The following ZNF566 variants were observed in gnomAD, a reference collection of about 807,000 sequenced individuals.
The protein encoded by ZNF566 is zinc finger protein 566.
Under a neutral mutation model 32.8 loss-of-function variants are expected in ZNF566, and 27 were observed. The ratio of observed to expected loss-of-function variants is 0.82; its 90% CI spans 0.61 to 1.14. The LOEUF is 1.14. Among genes scored for constraint, ZNF566 ranks in the 50% most tolerant of loss-of-function variants. The probability of loss-of-function intolerance (pLI) is 0.00; values close to 1 mark genes in which losing one functional copy is unlikely to be tolerated. For missense variants in ZNF566, 402 were observed against 490.4 expected, an observed-to-expected ratio of 0.82 and a Z score of 1.70; for synonymous variants, 154 against 159.5, an observed-to-expected ratio of 0.97 and a Z score of 0.26.
intron 4 of ZNF566, among the ~76,000 whole-genome samples, chr19:36,464,034 T>C (rs1039292436): frequency 2.0e-5 from 3 of 152,062 alleles, no homozygotes; most frequent in African/African-American, 7.2e-5. Context: ...CCAAATTCGA[T>C]GTAATTATAC....
chr19:36,479,634 AGTTTTT>A (rs1024392846), intron 1 of ZNF566, among the ~76,000 whole-genome samples: 1 of 152,104 alleles, frequency 6.6e-6, no homozygotes, highest in African/African-American at 2.4e-5. Context: ...AAATGAACAC[AGTTTTT>A]GTTTTTGTTT....
intron 4 of ZNF566, among the ~76,000 whole-genome samples, chr19:36,451,581 T>C (rs185083139): frequency 1.3e-5 from 2 of 152,286 alleles, no homozygotes; most frequent in East Asian, 3.9e-4. Flanking sequence ...TACTCAAACT[T>C]GAATAATTAT....
At chr19:36,486,405 C>T (rs886064409) in intron 1 of ZNF566, among the ~76,000 whole-genome samples, 56 of 152,286 alleles carry the variant, frequency 3.7e-4, no homozygotes, top group African/African-American at 1.3e-3. Flanking sequence ...GGCATAGTGG[C>T]TCACACCTGT....
At position 36,449,439 on chromosome 19, in the gene ZNF566, AC is replaced by A; in HGVS notation, c.794del (p.Ser265IlefsTer183). ...GATGTCGAGTGAAGTTTGAACCACT[AC>A]TAAAGGCTTTCCCACATTCCTTACA... is the stretch of plus-strand genomic sequence containing the variant. ...YECKECGKAF[S>X]SGSNFTRHQR... On this transcript the variant is annotated frameshift_variant, in exon 5 of 5. Coordinates refer to ENST00000452939, the MANE Select transcript of ZNF566 (RefSeq NM_001145344.1). LOFTEE classifies it high-confidence loss of function. The A allele has an allele frequency of 6.2e-7, 1 of 1,613,962 alleles. No individual in the cohort carries two copies. The highest frequency in any genetic ancestry group is 1.1e-5 in the South Asian group (1 of 91,086).
intron 1 of ZNF566, among the ~76,000 whole-genome samples, chr19:36,486,307 G>C (rs1285807758): frequency 3.3e-5 from 5 of 152,126 alleles, no homozygotes; most frequent in Non-Finnish European, 5.9e-5. Context: ...TAAATTTCCT[G>C]GTTTTCATCA....
rs1425639076 is a variant in ZNF566 at position 36,476,594 on chromosome 19, T to C, written c.-37A>G. The stretch of plus-strand genomic sequence containing the variant: ...TTGTAGAAAAGGACCTTCTCTTGGC[T>C]CTTCTTTTGGAGAAGGGTAGAGCTG... On this transcript the variant is annotated 5_prime_UTR_variant, in exon 2 of 5. Transcript: ENST00000452939. The C allele has an allele frequency of 6.2e-6, 10 of 1,613,036 alleles. No individual in the cohort carries two copies. Among genetic ancestry groups the C allele is most frequent in the Non-Finnish European group, 8.5e-6 (10 of 1,179,572 alleles).
intron 2 of ZNF566, among the ~76,000 whole-genome samples, chr19:36,474,174 G>T (rs10421862): frequency 0.099 from 15,119 of 152,192 alleles, 851 homozygotes; most frequent in African/African-American, 0.16. Flanking sequence ...GATTCAGGAA[G>T]TAGGTAAAGT....
chr19:36,449,904 T>C lies in ZNF566; in HGVS notation c.330A>G (p.Arg110=). 1.2e-6 allele frequency: 2 copies of C among 1,614,000 alleles called. No individual in the cohort carries two copies. The highest frequency in any genetic ancestry group is 1.7e-6 in the Non-Finnish European group (2 of 1,179,928). The change falls in exon 5 of 5, where the codon AGA becomes AGG. Residue 110 remains arginine, a synonymous_variant. Coordinates refer to ENST00000452939, the MANE Select transcript of ZNF566 (RefSeq NM_001145344.1). Reference sequence around the variant, plus strand: ...TGAAACTGGAGCACTGAAAATCACGTCTTGTGAGTTTTTCCATTATTTCCC... The same window carrying C: ...TGAAACTGGAGCACTGAAAATCACGCCTTGTGAGTTTTTCCATTATTTCCC... ...TQWEIMEKLT[R]RDFQCSSFRD...
intron 1 of ZNF566, among the ~76,000 whole-genome samples, chr19:36,480,678 C>T (rs972885502): frequency 4.4e-5 from 6 of 135,108 alleles, no homozygotes; most frequent in African/African-American, 1.3e-4. Flanking sequence ...TAACCTTTAC[C>T]CCATACATAA....
Position 36,485,676 on chromosome 19 carries a change from C to T in ZNF566, c.-60+3810G>A, listed in dbSNP as rs961228378. Among the ~76,000 whole-genome samples the T allele has an allele frequency of 2.3e-4, 34 of 150,948 alleles. 3 individuals are homozygous for T. Among genetic ancestry groups the T allele is most frequent in the Admixed American group, 1.7e-3 (25 of 15,114 alleles). On this transcript the variant is annotated intron_variant, in intron 1 of 4. Coordinates refer to ENST00000452939, the MANE Select transcript of ZNF566 (RefSeq NM_001145344.1). ...ACTCGGGAGGCTGAGGCAGGAGAAT[C>T]GCTTGAACCCAGGAGGCAGAGGCTG...
intron 4 of ZNF566, among the ~76,000 whole-genome samples, chr19:36,455,828 C>T (rs2033291558): frequency 6.6e-6 from 1 of 151,606 alleles, no homozygotes; most frequent in African/African-American, 2.4e-5. Context: ...ATCATGATGT[C>T]AGGAGATCGA....
At chr19:36,486,946 T>C (rs1191364565) in intron 1 of ZNF566, among the ~76,000 whole-genome samples, 4 of 150,206 alleles carry the variant, frequency 2.7e-5, no homozygotes, top group Admixed American at 6.6e-5. Flanking sequence ...AAAAATTAGC[T>C]GGGTGTGGTG....
intron 1 of ZNF566, among the ~76,000 whole-genome samples, chr19:36,488,536 T>A (rs1345681727): frequency 6.6e-6 from 1 of 152,202 alleles, no homozygotes; most frequent in African/African-American, 2.4e-5. Context: ...GTGGAAGATA[T>A]ATGAACCGGC....
intron 4 of ZNF566, among the ~76,000 whole-genome samples, chr19:36,455,182 C>G (rs1161176565): frequency 6.6e-6 from 1 of 152,118 alleles, no homozygotes; most frequent in Non-Finnish European, 1.5e-5. Flanking sequence ...TCAAAACTCT[C>G]TCAACAAATT....
chr19:36,458,758 T>A (rs1218153767), intron 4 of ZNF566, among the ~76,000 whole-genome samples: 1 of 152,232 alleles, frequency 6.6e-6, no homozygotes. Flanking sequence ...TTGGTAACTA[T>A]GTGATGTGAT....
chr19:36,465,501 A>G (rs1251081198), intron 4 of ZNF566, among the ~76,000 whole-genome samples: 3 of 151,130 alleles, frequency 2.0e-5, no homozygotes, highest in African/African-American at 7.3e-5. Context: ...TTTGAGACGG[A>G]GTCTTGCTCT....
intron 1 of ZNF566, among the ~76,000 whole-genome samples, chr19:36,485,838 G>A (rs565030398): frequency 1.3e-5 from 2 of 151,742 alleles, no homozygotes; most frequent in African/African-American, 2.4e-5. Flanking sequence ...GGTAGATCAC[G>A]AGGTCAGGAT....
Position 36,489,512 on chromosome 19 carries a change from C to G in ZNF566, c.-86G>C. ...AGCTTTCGAAGCAGCAGAACCCTCC[C>G]CGGCACTGGGGTAGTTGCTGGTAAA... On this transcript the variant is annotated 5_prime_UTR_variant, in exon 1 of 5. Transcript: ENST00000452939. 8.7e-6 allele frequency: 3 copies of G among 346,270 alleles called. 1 individual carries two copies. Among genetic ancestry groups the G allele is most frequent in the South Asian group, 6.6e-5 (3 of 45,748 alleles). 21.4% of individuals were successfully genotyped at this position (346,270 alleles called of 1,614,324 possible).
chr19:36,477,526 G>GTTTTTTTTT lies in ZNF566; in HGVS notation c.-59-919_-59-911dup, dbSNP rs767741591. 6.9e-3 allele frequency among the ~76,000 whole-genome samples: 741 copies of GTTTTTTTTT among 106,792 alleles called. 141 individuals are homozygous for GTTTTTTTTT. Among genetic ancestry groups the GTTTTTTTTT allele is most frequent in the Non-Finnish European group, 8.9e-3 (455 of 50,926 alleles). The allele number at this position is 106,792 out of a possible 152,430, so 70.1% of individuals were successfully genotyped here. A position where few individuals can be genotyped will look rare whatever the true frequency, so the allele number is the denominator to read the frequency against. ...TGGGTCAAACCAGTTTTCTGTTTCT[G>GTTTTTTTTT]TTTTTTTTTTGTTTGTTTGTTTGTT... On this transcript the variant is annotated intron_variant, in intron 1 of 4. Coordinates refer to ENST00000452939, the MANE Select transcript of ZNF566 (RefSeq NM_001145344.1).
Sources: allele counts gnomAD v4.1 joint callset (sites outside exome capture counted in the v4.1 genomes callset), GRCh38; gene constraint gnomAD v4.1.1; transcripts MANE v1.5; gene names NCBI Gene and HGNC (gene_info 2026-07-23, HGNC 2026-07-21).